ARHGAP15: variants seen among roughly 807,000 people sequenced by gnomAD.
The protein encoded by ARHGAP15 is Rho GTPase activating protein 15.
A neutral mutation model predicts 63.7 loss-of-function variants in ARHGAP15; 51 were observed. The ratio of observed to expected loss-of-function variants is 0.80; its 90% CI spans 0.64 to 1.01. The LOEUF is 1.01. Among genes scored for constraint, ARHGAP15 ranks in the 50% least tolerant of loss-of-function variants. The pLI, the probability that ARHGAP15 is intolerant of heterozygous loss-of-function variation, is 0.00. For missense variants in ARHGAP15, 560 were observed against 564.6 expected, an observed-to-expected ratio of 0.99 and a Z score of 0.08; for synonymous variants, 191 against 193.8, an observed-to-expected ratio of 0.99 and a Z score of 0.12.
chr2:143,363,736 A>G (rs945428855), intron 6 of ARHGAP15, among the ~76,000 whole-genome samples: 1 of 152,136 alleles, frequency 6.6e-6, no homozygotes, highest in Non-Finnish European at 1.5e-5. Context: ...TCACCTCTAT[A>G]TGTTTGTCAA....
chr2:143,726,177 A>T (rs140500711), intron 13 of ARHGAP15, among the ~76,000 whole-genome samples: 4 of 152,364 alleles, frequency 2.6e-5, no homozygotes, highest in Non-Finnish European at 4.4e-5. Flanking sequence ...TCATATGAAG[A>T]TCTGCAAATC....
chr2:143,157,583 T>G (rs1690130814), intron 2 of ARHGAP15, among the ~76,000 whole-genome samples: 1 of 151,820 alleles, frequency 6.6e-6, no homozygotes, highest in East Asian at 1.9e-4. Context: ...TTTGGTTATG[T>G]GTGCTCAGTG....
chr2:143,636,224 G>A (rs760078941), intron 12 of ARHGAP15, among the ~76,000 whole-genome samples: 5 of 152,110 alleles, frequency 3.3e-5, no homozygotes, highest in Admixed American at 6.6e-5. Flanking sequence ...AGAGATGAAA[G>A]CAACAATCTT....
intron 10 of ARHGAP15, among the ~76,000 whole-genome samples, chr2:143,543,374 C>T (rs1695188021): frequency 6.6e-6 from 1 of 152,004 alleles, no homozygotes; most frequent in South Asian, 2.1e-4. Flanking sequence ...GTTTTTTGCT[C>T]ATTTTTAACT....
intron 12 of ARHGAP15, among the ~76,000 whole-genome samples, chr2:143,682,510 G>A (rs570138556): frequency 6.6e-6 from 1 of 152,080 alleles, no homozygotes; most frequent in African/African-American, 2.4e-5. Flanking sequence ...ATGTATGTGT[G>A]TGCATGTGTA....
chr2:143,187,036 A>G (rs1285873641), intron 2 of ARHGAP15, among the ~76,000 whole-genome samples: 1 of 152,194 alleles, frequency 6.6e-6, no homozygotes, highest in East Asian at 1.9e-4. Context: ...TGGACTTTCT[A>G]GATCCAAGGA....
chr2:143,578,930 A>C (rs1397243267), intron 11 of ARHGAP15, among the ~76,000 whole-genome samples: 1 of 152,156 alleles, frequency 6.6e-6, no homozygotes, highest in Non-Finnish European at 1.5e-5. Context: ...AATAGTATTA[A>C]TATTTAACAT....
intron 2 of ARHGAP15, among the ~76,000 whole-genome samples, chr2:143,200,942 T>C (rs910362264): frequency 6.6e-6 from 1 of 151,940 alleles, no homozygotes; most frequent in South Asian, 2.1e-4. Context: ...AACATAGAGG[T>C]GTGAAACAAT....
chr2:143,665,974 GT>G lies in ARHGAP15; in HGVS notation c.1139-37444del, dbSNP rs1462745375. On this transcript the variant is annotated intron_variant, in intron 12 of 13. Transcript: ENST00000295095. ...CTCATGGGTAGGAAGAATCAATATC[GT>G]GAAAATGGCCATACTGCCCAAGGTA... Among the ~76,000 whole-genome samples, 194 of 147,896 alleles carry G rather than the reference GT, an allele frequency of 1.3e-3. 1 individual carries two copies. The highest frequency in any genetic ancestry group is 4.6e-3 in the African/African-American group (187 of 40,374).
chr2:143,575,177 C>A (rs766290136), intron 11 of ARHGAP15, among the ~76,000 whole-genome samples: 15 of 152,120 alleles, frequency 9.9e-5, no homozygotes, highest in Non-Finnish European at 1.9e-4. Context: ...TGTGTAAGTA[C>A]TTGTGTGTTG....
intron 2 of ARHGAP15, among the ~76,000 whole-genome samples, chr2:143,196,585 C>T (rs1691894000): frequency 6.6e-6 from 1 of 151,950 alleles, no homozygotes; most frequent in Admixed American, 6.6e-5. Flanking sequence ...ACAGAATTGT[C>T]AGGGCCCCTT....
At chr2:143,129,973 G>A (rs1263430122) in intron 1 of ARHGAP15, among the ~76,000 whole-genome samples, 1 of 152,032 alleles carries the variant, frequency 6.6e-6, no homozygotes, top group Non-Finnish European at 1.5e-5. Context: ...TAATTAAAAA[G>A]CAAGGAGCTT....
At chr2:143,365,274 G>T (rs889584402) in intron 6 of ARHGAP15, among the ~76,000 whole-genome samples, 1 of 152,168 alleles carries the variant, frequency 6.6e-6, no homozygotes, top group African/African-American at 2.4e-5. Context: ...GTCCTAAGGA[G>T]TAAAATAAAT....
At chr2:143,328,604 G>A (rs891903251) in intron 6 of ARHGAP15, among the ~76,000 whole-genome samples, 1 of 152,128 alleles carries the variant, frequency 6.6e-6, no homozygotes, top group Non-Finnish European at 1.5e-5. Context: ...GAGTAGGGGA[G>A]GGATAGCATT....
intron 2 of ARHGAP15, among the ~76,000 whole-genome samples, chr2:143,164,966 T>A (rs1333541726): frequency 6.6e-6 from 1 of 152,006 alleles, no homozygotes; most frequent in Admixed American, 6.6e-5. Flanking sequence ...TATAAATGTG[T>A]AAGTATCAAA....
rs146989578 is a variant in ARHGAP15, at chr2:143,264,279, TCTCTA to T, written c.474+13680_474+13684del. Reference sequence around the variant, plus strand: ...TGATGTCATATAATTAGATATTCCTTCTCTATTCTGACCCAGCAATAGGCCAGAAG... The same window carrying T: ...TGATGTCATATAATTAGATATTCCTTTTCTGACCCAGCAATAGGCCAGAAG... On this transcript the variant is annotated intron_variant, in intron 6 of 13. Coordinates refer to ENST00000295095, the MANE Select transcript of ARHGAP15 (RefSeq NM_018460.4). 3.0e-4 allele frequency among the ~76,000 whole-genome samples: 45 copies of T among 152,176 alleles called. No individual in the cohort carries two copies. The East Asian group carries it at 4.8e-3, about 16-fold the overall frequency.
intron 6 of ARHGAP15, among the ~76,000 whole-genome samples, chr2:143,358,091 G>A (rs1319299798): frequency 6.6e-6 from 1 of 152,206 alleles, no homozygotes; most frequent in Non-Finnish European, 1.5e-5. Flanking sequence ...AGGTTGGAAA[G>A]GGCTGGCTGC....
At chr2:143,767,231 G>A (rs894638046) in intron 13 of ARHGAP15, among the ~76,000 whole-genome samples, 4 of 152,054 alleles carry the variant, frequency 2.6e-5, no homozygotes, top group African/African-American at 9.7e-5. Context: ...CTAGGATGGG[G>A]CTTTATTTTC....
intron 6 of ARHGAP15, among the ~76,000 whole-genome samples, chr2:143,421,283 G>A (rs142386583): frequency 1.2e-3 from 176 of 152,288 alleles, no homozygotes; most frequent in African/African-American, 4.2e-3. Context: ...CAGGGTTATT[G>A]ATCACCCAGG....
Sources: gnomAD v4.1 joint callset for allele counts (sites outside exome capture counted in the v4.1 genomes callset) on GRCh38, gnomAD v4.1.1 for gene constraint, MANE v1.5 for transcripts, NCBI Gene and HGNC (gene_info 2026-07-23, HGNC 2026-07-21) for gene names.